Variants in DNAJB13 observed in about 807,000 individuals in gnomAD.
DNAJB13 encodes DnaJ heat shock protein family (Hsp40) member B13.
In DNAJB13, 22 loss-of-function variants were observed where a neutral mutation model predicts 35.6. The observed-to-expected ratio is 0.62, with a 90% CI of 0.44 to 0.88. DNAJB13 has a LOEUF of 0.88. DNAJB13 is among the 40% of genes least tolerant of loss of function. DNAJB13 has a pLI of 0.00. For synonymous variants in DNAJB13, 136 were observed against 144.2 expected, an observed-to-expected ratio of 0.94 and a Z score of 0.41; for missense variants, 370 against 384.3, an observed-to-expected ratio of 0.96 and a Z score of 0.31.
chr11:73,967,520 G>C (rs900942230), intron 5 of DNAJB13, among the ~76,000 whole-genome samples: 1 of 152,122 alleles, frequency 6.6e-6, no homozygotes, highest in Non-Finnish European at 1.5e-5. Flanking sequence ...CAAGGCAGGA[G>C]AATCACTTGA....
chr11:73,957,490 C>T (rs565468158), intron 1 of DNAJB13, among the ~76,000 whole-genome samples: 78 of 152,346 alleles, frequency 5.1e-4, no homozygotes, highest in African/African-American at 1.9e-3. Context: ...ACTGCCGATA[C>T]ATATTCTCAG....
At chr11:73,966,082 G>T in intron 4 of DNAJB13, 56 bp from the exon 5 acceptor site, 3 of 1,499,266 alleles carry the variant, frequency 2.0e-6, no homozygotes, top group South Asian at 2.4e-5. Flanking sequence ...AGCAAATCTC[G>T]ACTGTACTCA....
At chr11:73,963,361 AAAAG>A (rs1001919730) in intron 3 of DNAJB13, among the ~76,000 whole-genome samples, 11 of 152,130 alleles carry the variant, frequency 7.2e-5, no homozygotes, top group African/African-American at 2.7e-4. Flanking sequence ...AAAAAAAGAA[AAAAG>A]AAAAAAAATG....
At position 73,959,049 on chromosome 11, in the gene DNAJB13, G is replaced by T. The variant is rs148915577; in HGVS notation, c.173-445G>T. On this transcript the variant is annotated intron_variant, in intron 2 of 7. Coordinates refer to ENST00000339764, the MANE Select transcript of DNAJB13 (RefSeq NM_153614.4). ...AGGTTTCTACAGCCCCGAGTTTTCA[G>T]GACTTCAGGGTCCTTAGACTCTAGG... is the stretch of plus-strand genomic sequence containing the variant. Among the ~76,000 whole-genome samples, 568 of 151,386 alleles carry T rather than the reference G, an allele frequency of 3.8e-3. 15 individuals carry two copies. The highest frequency in any genetic ancestry group is 0.032 in the Admixed American group (482 of 15,258).
In DNAJB13 at chr11:73,958,308, C is replaced by T. The variant is rs761986780; in HGVS notation, c.69-9C>T. On this transcript the variant is annotated splice_polypyrimidine_tract_variant and intron_variant, in intron 1 of 7. Coordinates refer to ENST00000339764, the MANE Select transcript of DNAJB13 (RefSeq NM_153614.4). The stretch of plus-strand genomic sequence containing the variant: ...CTGATAAGACTTGTATTAATTCTCC[C>T]TCTTCCAGGTACCGCAGACTCGCCC... 1.2e-6 allele frequency: 2 copies of T among 1,613,838 alleles called. No individual in the cohort carries two copies. Among genetic ancestry groups the T allele is most frequent in the Non-Finnish European group, 1.7e-6 (2 of 1,179,782 alleles).
chr11:73,954,683 C>T (rs1242244380), intron 1 of DNAJB13, among the ~76,000 whole-genome samples: 12 of 150,768 alleles, frequency 8.0e-5, no homozygotes, highest in South Asian at 2.1e-4. Flanking sequence ...AGGCTGGGCA[C>T]GGTGGCTCAT....
chr11:73,965,290 T>C, intron 4 of DNAJB13: 1 of 346,598 alleles, frequency 2.9e-6, no homozygotes, highest in East Asian at 5.6e-5. Context: ...TTTCCCTTCC[T>C]TTCTTTCAGT....
intron 4 of DNAJB13, 100 bp downstream of exon 4, chr11:73,965,135 G>C: frequency 1.5e-6 from 2 of 1,321,318 alleles, no homozygotes; most frequent in African/African-American, 3.0e-5. Flanking sequence ...GATGGTCTCT[G>C]ATGGAATTAT....
chr11:73,962,251 C>A (rs192552286), intron 3 of DNAJB13, among the ~76,000 whole-genome samples: 13 of 152,314 alleles, frequency 8.5e-5, no homozygotes, highest in Non-Finnish European at 1.9e-4. Flanking sequence ...CCCTACCAGA[C>A]TGGGAGATCC....
intron 3 of DNAJB13, among the ~76,000 whole-genome samples, chr11:73,962,210 G>A (rs1007580064): frequency 2.0e-5 from 3 of 152,136 alleles, no homozygotes; most frequent in Admixed American, 2.0e-4. Flanking sequence ...CAGTTCTTGT[G>A]CTATTTATAG....
intron 3 of DNAJB13, 70 bp from the exon 4 acceptor site, chr11:73,964,808 T>TGAGCGC: frequency 2.8e-6 from 2 of 726,188 alleles, no homozygotes; most frequent in African/African-American, 2.2e-5. Context: ...TGTGTGTGTG[T>TGAGCGC]GTGTGCGCGC....
chr11:73,957,047 G>A, intron 1 of DNAJB13, among the ~76,000 whole-genome samples: 1 of 152,224 alleles, frequency 6.6e-6, no homozygotes, highest in Non-Finnish European at 1.5e-5. Context: ...AAGGTGGGGG[G>A]TCACGCCTGG....
intron 1 of DNAJB13, among the ~76,000 whole-genome samples, chr11:73,953,341 C>T (rs1181839676): frequency 2.6e-5 from 4 of 152,138 alleles, no homozygotes; most frequent in African/African-American, 4.8e-5. Flanking sequence ...GCAGGACGAG[C>T]CGCAGAAAAA....
chr11:73,961,085 G>A (rs995080724), intron 3 of DNAJB13, among the ~76,000 whole-genome samples: 8 of 152,006 alleles, frequency 5.3e-5, no homozygotes, highest in Admixed American at 1.3e-4. Context: ...GTAGGAATTC[G>A]GTGCCAACCT....
Position 73,959,525 on chromosome 11 carries a change from A to G in DNAJB13, c.204A>G (p.Gly68=), listed in dbSNP as rs771084987. ...PMKRGIYDKF[G]EEGLKGGIPL... ...AGAGAGGCATCTACGACAAGTTTGG[A>G]GAAGAGGGCCTGAAGGGTGGGATTC... The change falls in exon 3 of 8, where the codon GGA becomes GGG. Residue 68 remains glycine (G), a synonymous_variant. Transcript: ENST00000339764. The G allele has an allele frequency of 6.2e-7, 1 of 1,613,972 alleles. No homozygotes were observed. The highest frequency in any genetic ancestry group is 2.2e-5 in the East Asian group (1 of 44,858).
At chr11:73,954,337 TA>T (rs1200832224) in intron 1 of DNAJB13, among the ~76,000 whole-genome samples, 1 of 111,328 alleles carries the variant, frequency 9.0e-6, no homozygotes, top group Non-Finnish European at 1.9e-5. Context: ...AAAAAATAAA[TA>T]AAAAAAAGTA....
intron 1 of DNAJB13, among the ~76,000 whole-genome samples, chr11:73,956,584 C>G (rs1375796517): frequency 1.3e-5 from 2 of 152,066 alleles, no homozygotes; most frequent in Non-Finnish European, 2.9e-5. Flanking sequence ...GGGCGGATCA[C>G]CTGAGGTCAG....
At chr11:73,959,313 C>G (rs908993896) in intron 2 of DNAJB13, among the ~76,000 whole-genome samples, 181 bp from the exon 3 acceptor site, 3 of 152,018 alleles carry the variant, frequency 2.0e-5, no homozygotes, top group Non-Finnish European at 2.9e-5. Flanking sequence ...CTAGGTCCTC[C>G]CAGAATGAAA....
intron 3 of DNAJB13, among the ~76,000 whole-genome samples, chr11:73,961,546 G>C (rs1224343191): frequency 6.6e-6 from 1 of 152,234 alleles, no homozygotes. Context: ...GGCTGCTGCA[G>C]AAAAACCTAG....
Sources: allele counts gnomAD v4.1 joint callset (sites outside exome capture counted in the v4.1 genomes callset), GRCh38; gene constraint gnomAD v4.1.1; transcripts MANE v1.5; gene names NCBI Gene and HGNC (gene_info 2026-07-23, HGNC 2026-07-21).